The following SYT1 variants were observed in gnomAD, a reference collection of about 807,000 sequenced individuals.
The protein encoded by SYT1 is synaptotagmin-1.
In SYT1, 8 loss-of-function variants were observed where a neutral mutation model predicts 44.8. The observed-to-expected ratio is 0.18, with a 90% CI of 0.10 to 0.32. The LOEUF (loss-of-function observed/expected upper bound fraction) is 0.32. Among genes scored for constraint, SYT1 ranks in the 10% least tolerant of loss-of-function variants. SYT1 has a pLI of 1.00. For missense variants in SYT1, 286 were observed against 509.3 expected (o/e 0.56, Z 4.22); for synonymous variants, 154 against 188.8 (o/e 0.82, Z 1.51).
At chr12:79,070,462 T>C (rs1252460380) in intron 3 of SYT1, among the ~76,000 whole-genome samples, 1 of 152,064 alleles carries the variant, frequency 6.6e-6, no homozygotes, top group African/African-American at 2.4e-5. Context: ...ACCTTGAAGG[T>C]CTTTTTGTTT....
At chr12:79,203,055 T>C (rs779702439) in intron 3 of SYT1, among the ~76,000 whole-genome samples, 12 of 151,306 alleles carry the variant, frequency 7.9e-5, no homozygotes, top group Non-Finnish European at 1.6e-4. Flanking sequence ...ACAAGGCAAG[T>C]TAGCTTCGCC....
intron 3 of SYT1, among the ~76,000 whole-genome samples, chr12:79,125,557 C>T (rs1198868591): frequency 4.7e-5 from 7 of 149,706 alleles, no homozygotes; most frequent in Admixed American, 3.3e-4. Context: ...GAGGTGGAGA[C>T]TGCACTGAGC....
At chr12:78,957,087 G>A (rs564244280) in intron 1 of SYT1, among the ~76,000 whole-genome samples, 10 of 152,274 alleles carry the variant, frequency 6.6e-5, no homozygotes, top group Admixed American at 5.9e-4. Context: ...TCCACTGTTT[G>A]AGGGAGACTG....
chr12:79,181,925 T>G (rs1275245437), intron 3 of SYT1, among the ~76,000 whole-genome samples: 1 of 152,078 alleles, frequency 6.6e-6, no homozygotes, highest in African/African-American at 2.4e-5. Flanking sequence ...TACCTCATCC[T>G]CCATGCTCTT....
intron 9 of SYT1, among the ~76,000 whole-genome samples, chr12:79,423,348 GAGAA>G (rs755298796): frequency 1.3e-4 from 20 of 152,122 alleles, no homozygotes; most frequent in Non-Finnish European, 2.4e-4. Context: ...CTGAGAGAAA[GAGAA>G]AGAGAGAGAC....
At position 79,370,894 on chromosome 12, in the gene SYT1, A is replaced by T. The variant is rs199722191; in HGVS notation, c.928+17275A>T. On this transcript the variant is annotated intron_variant, in intron 9 of 10. Coordinates refer to ENST00000261205, the MANE Select transcript of SYT1 (RefSeq NM_005639.3). Reference sequence around the variant, plus strand: ...CTCCAATCTTCTAAAGTTTCATTTTAAAACTCTAAAAGATCATGCCCAGCC... The same window carrying T: ...CTCCAATCTTCTAAAGTTTCATTTTTAAACTCTAAAAGATCATGCCCAGCC... Among the ~76,000 whole-genome samples the T allele has an allele frequency of 6.6e-5, 10 of 152,328 alleles. No homozygotes were observed. The East Asian group carries it at 1.9e-3, about 29-fold the overall frequency.
chr12:79,064,948 G>T (rs544461771), intron 3 of SYT1, among the ~76,000 whole-genome samples: 8 of 137,002 alleles, frequency 5.8e-5, no homozygotes, highest in Admixed American at 4.3e-4. Context: ...AAGAAAGAAA[G>T]AAAGAAAGAA....
intron 3 of SYT1, among the ~76,000 whole-genome samples, chr12:79,126,696 A>G (rs1868465511): frequency 1.3e-5 from 2 of 152,194 alleles, no homozygotes; most frequent in Admixed American, 1.3e-4. Context: ...TGTTAGTAAG[A>G]ATTATTTTCA....
At chr12:79,152,951 T>G (rs1870369188) in intron 3 of SYT1, among the ~76,000 whole-genome samples, 2 of 151,788 alleles carry the variant, frequency 1.3e-5, no homozygotes, top group African/African-American at 4.8e-5. Context: ...ATTATCCTTC[T>G]CATTTATATA....
rs1875485170 is a variant in SYT1 at position 78,898,517 on chromosome 12, T to A, written c.-217+33408T>A. On this transcript the variant is annotated intron_variant, in intron 1 of 10. Coordinates refer to ENST00000261205, the MANE Select transcript of SYT1 (RefSeq NM_005639.3). Reference sequence around the variant, plus strand: ...TTCCCAGAGTCACAGAAAGTAGTAGTTGAATGGCTTTAATCTAGTTTGTCT... The same window carrying A: ...TTCCCAGAGTCACAGAAAGTAGTAGATGAATGGCTTTAATCTAGTTTGTCT... Among the ~76,000 whole-genome samples the A allele has an allele frequency of 2.0e-5, 3 of 152,102 alleles. 1 individual carries two copies. Among genetic ancestry groups the A allele is most frequent in the African/African-American group, 7.2e-5 (3 of 41,440 alleles).
intron 4 of SYT1, among the ~76,000 whole-genome samples, chr12:79,276,500 A>G (rs1592922594): frequency 6.6e-6 from 1 of 152,056 alleles, no homozygotes; most frequent in East Asian, 1.9e-4. Context: ...ACATGGTGAA[A>G]CCCCATCTCT....
At chr12:79,116,513 A>G (rs1444929278) in intron 3 of SYT1, among the ~76,000 whole-genome samples, 1 of 152,182 alleles carries the variant, frequency 6.6e-6, no homozygotes, top group East Asian at 1.9e-4. Context: ...TTCATAAGTG[A>G]GGAACTCACA....
chr12:79,279,745 C>T (rs994843252), intron 4 of SYT1, among the ~76,000 whole-genome samples: 1 of 151,758 alleles, frequency 6.6e-6, no homozygotes, highest in African/African-American at 2.4e-5. Context: ...TAAATGTATA[C>T]ATAGAAAACC....
chr12:78,943,271 G>A (rs1377004120), intron 1 of SYT1, among the ~76,000 whole-genome samples: 1 of 152,092 alleles, frequency 6.6e-6, no homozygotes, highest in East Asian at 1.9e-4. Flanking sequence ...ATAAAGAAAA[G>A]AATTTAATAG....
intron 3 of SYT1, among the ~76,000 whole-genome samples, chr12:79,166,514 T>C (rs1216691160): frequency 6.6e-6 from 1 of 151,708 alleles, no homozygotes; most frequent in African/African-American, 2.4e-5. Flanking sequence ...GGAGAAAAAA[T>C]GAGAAAATGA....
intron 9 of SYT1, among the ~76,000 whole-genome samples, chr12:79,432,403 C>T (rs2136181255): frequency 6.6e-6 from 1 of 151,834 alleles, no homozygotes; most frequent in Admixed American, 6.6e-5. Context: ...GTGATGTTCC[C>T]CTTCCTGTGT....
intron 3 of SYT1, among the ~76,000 whole-genome samples, chr12:79,192,701 G>A (rs80170996): frequency 0.02 from 3,068 of 152,220 alleles, 43 homozygotes; most frequent in Middle Eastern, 0.068. Flanking sequence ...GGCTCACTTA[G>A]GGGCCAGCCT....
intron 3 of SYT1, among the ~76,000 whole-genome samples, chr12:79,197,874 A>C (rs1873555954): frequency 6.6e-6 from 1 of 152,184 alleles, no homozygotes; most frequent in Non-Finnish European, 1.5e-5. Flanking sequence ...TAACACTGTT[A>C]CTTTGATGAA....
At chr12:79,405,541 G>A (rs543307894) in intron 9 of SYT1, among the ~76,000 whole-genome samples, 10 of 152,112 alleles carry the variant, frequency 6.6e-5, no homozygotes, top group South Asian at 2.1e-4. Context: ...ACAAATAAAC[G>A]TCTGACCACA....
Sources: allele counts gnomAD v4.1 joint callset (sites outside exome capture counted in the v4.1 genomes callset), GRCh38; gene constraint gnomAD v4.1.1; transcripts MANE v1.5; gene names NCBI Gene and HGNC (gene_info 2026-07-23, HGNC 2026-07-21).